NBAS: variants seen among roughly 807,000 people sequenced by gnomAD.
The protein encoded by NBAS is NBAS subunit of NRZ tethering complex.
NBAS carries 219 observed loss-of-function variants against 302.5 expected under a neutral mutation model. The observed-to-expected ratio is 0.72, with a 90% CI of 0.65 to 0.81. NBAS has a LOEUF of 0.81. NBAS is among the 30% of genes least tolerant of loss of function. The pLI, the probability that NBAS is intolerant of heterozygous loss-of-function variation, is 0.00. For missense variants in NBAS, 2,932 were observed against 2,841.6 expected (o/e 1.03, Z -0.72); for synonymous variants, 1,118 against 1,021.6 (o/e 1.09, Z -1.80).
chr2:14,919,151 T>C, the NBAS span, among the ~76,000 whole-genome samples: 1 of 151,984 alleles, frequency 6.6e-6, no homozygotes, highest in South Asian at 2.1e-4. Flanking sequence ...AATACATGCA[T>C]CTCACCTTGG....
intron 51 of NBAS, among the ~76,000 whole-genome samples, chr2:15,176,781 T>C (rs1375084371): frequency 1.3e-5 from 2 of 152,178 alleles, no homozygotes; most frequent in Non-Finnish European, 2.9e-5. Context: ...GGATTAGAGG[T>C]GTTCAACCTG....
intron 25 of NBAS, among the ~76,000 whole-genome samples, chr2:15,412,309 G>C (rs571786676): frequency 6.6e-6 from 1 of 152,266 alleles, no homozygotes; most frequent in South Asian, 2.1e-4. Context: ...AGTTTTGTGA[G>C]CCACTGTGTG....
chr2:15,536,701 C>A, intron 7 of NBAS, 150 bp from the exon 8 acceptor site: 1 of 787,076 alleles, frequency 1.3e-6, no homozygotes, highest in Non-Finnish European at 2.0e-6. Context: ...AAGAATCATG[C>A]AAGTCAGAAT....
intron 11 of NBAS, among the ~76,000 whole-genome samples, chr2:15,498,743 C>T (rs981593510): frequency 4.6e-5 from 7 of 150,842 alleles, no homozygotes; most frequent in Admixed American, 1.3e-4. Flanking sequence ...CTTCCCCATT[C>T]GTGCTCGCTC....
chr2:15,078,007 G>T, the NBAS span, among the ~76,000 whole-genome samples: 3 of 152,150 alleles, frequency 2.0e-5, no homozygotes, highest in African/African-American at 7.2e-5. Context: ...TAAGAAGGAG[G>T]TCTCTGAATC....
Position 15,238,642 on chromosome 2 carries a change from C to CTA in NBAS, c.5768_5769insTA (p.Lys1923AsnfsTer34). The CTA allele has an allele frequency of 6.2e-7, 1 of 1,613,216 alleles. No homozygotes were observed. The highest frequency in any genetic ancestry group is 8.5e-7 in the Non-Finnish European group (1 of 1,179,872). Reference sequence around the variant, plus strand: ...GCTTCTCAATAAAATGTTTGACTGTCTTAATAGCCTTTCTAGTCATCTCTT... The same window carrying CTA: ...GCTTCTCAATAAAATGTTTGACTGTCTATTAATAGCCTTTCTAGTCATCTCTT... On this transcript the variant is annotated frameshift_variant, in exon 45 of 52. Coordinates refer to ENST00000281513, the MANE Select transcript of NBAS (RefSeq NM_015909.4). LOFTEE classifies it high-confidence loss of function.
the NBAS span, among the ~76,000 whole-genome samples, chr2:14,795,745 C>A: frequency 6.6e-6 from 1 of 151,976 alleles, no homozygotes; most frequent in Non-Finnish European, 1.5e-5. Flanking sequence ...TTCTGTGCAC[C>A]GCAAGGTATT....
At chr2:15,045,763 G>C in the NBAS span, among the ~76,000 whole-genome samples, 2 of 152,068 alleles carry the variant, frequency 1.3e-5, no homozygotes, top group Non-Finnish European at 2.9e-5. Flanking sequence ...GTAGTTCTAC[G>C]CCAAATTTTT....
At chr2:15,002,881 C>T in the NBAS span, among the ~76,000 whole-genome samples, 1 of 152,236 alleles carries the variant, frequency 6.6e-6, no homozygotes, top group African/African-American at 2.4e-5. Flanking sequence ...GGCCCACAAG[C>T]GCCACGCGCA....
chr2:15,467,789 A>G lies in NBAS; in HGVS notation c.1893T>C (p.Gly631=). 1 of 1,590,918 alleles carries G rather than the reference A, an allele frequency of 6.3e-7. No individual in the cohort carries two copies. Among genetic ancestry groups the G allele is most frequent in the South Asian group, 1.1e-5 (1 of 90,212 alleles). The stretch of plus-strand genomic sequence containing the variant: ...AGGAGATACTGTCAATGTCTATTTC[A>G]CCAGGTAATGTAAATCTGCAAGTAT... The part of the protein sequence containing the change: ...GADDGRFTLP[G]EIDIDSISYE... Residue 631 remains glycine, a synonymous_variant, in exon 18 of 52, where the codon GGT becomes GGC. Coordinates refer to ENST00000281513, the MANE Select transcript of NBAS (RefSeq NM_015909.4).
the NBAS span, among the ~76,000 whole-genome samples, chr2:14,948,739 A>AT: frequency 8.6e-5 from 13 of 151,660 alleles, no homozygotes; most frequent in Non-Finnish European, 1.6e-4. Context: ...TAGAAAAAAA[A>AT]ATCTTAAAAT....
At chr2:15,205,694 A>C (rs1486644603) in intron 48 of NBAS, among the ~76,000 whole-genome samples, 1 of 152,108 alleles carries the variant, frequency 6.6e-6, no homozygotes, top group Admixed American at 6.6e-5. Context: ...GAGGTGACTG[A>C]GTCATGGGGG....
At chr2:14,944,719 G>T in the NBAS span, among the ~76,000 whole-genome samples, 2 of 150,934 alleles carry the variant, frequency 1.3e-5, no homozygotes, top group Non-Finnish European at 2.9e-5. Flanking sequence ...CAGGGACACA[G>T]AAAGTGAAAA....
chr2:15,467,539 T>TAATA, intron 18 of NBAS, 125 bp downstream of exon 18: 7 of 1,268,778 alleles, frequency 5.5e-6, no homozygotes, highest in Non-Finnish European at 8.0e-6. Context: ...AAGGGTAAGA[T>TAATA]AATAGTAAGT....
the NBAS span, among the ~76,000 whole-genome samples, chr2:15,078,732 C>T: frequency 8.5e-5 from 13 of 152,244 alleles, no homozygotes; most frequent in African/African-American, 2.6e-4. Context: ...AAAAAAATTT[C>T]GACTGTACAG....
At chr2:15,299,743 G>A (rs1670711882) in intron 40 of NBAS, among the ~76,000 whole-genome samples, 1 of 151,962 alleles carries the variant, frequency 6.6e-6, no homozygotes, top group Non-Finnish European at 1.5e-5. Flanking sequence ...CAATTACAAA[G>A]GTAAGATATG....
At chr2:15,408,817 T>C (rs773565519) in intron 25 of NBAS, among the ~76,000 whole-genome samples, 2 of 152,188 alleles carry the variant, frequency 1.3e-5, no homozygotes, top group African/African-American at 2.4e-5. Flanking sequence ...GATAGCTATA[T>C]AGTCATAAAA....
chr2:15,251,806 T>A (rs1668377258), intron 44 of NBAS, among the ~76,000 whole-genome samples: 1 of 152,192 alleles, frequency 6.6e-6, no homozygotes, highest in Admixed American at 6.5e-5. Context: ...CTTTATGATG[T>A]GTATCTTGTG....
the NBAS span, among the ~76,000 whole-genome samples, chr2:14,792,132 A>C: frequency 6.6e-6 from 1 of 152,200 alleles, no homozygotes; most frequent in African/African-American, 2.4e-5. Flanking sequence ...TCACCTGTTA[A>C]CCCAAGAAAA....
Sources: allele counts gnomAD v4.1 joint callset (sites outside exome capture counted in the v4.1 genomes callset), GRCh38; gene constraint gnomAD v4.1.1; transcripts MANE v1.5; gene names NCBI Gene and HGNC (gene_info 2026-07-23, HGNC 2026-07-21).